The following TAFA1 variants were observed in gnomAD, a reference collection of about 807,000 sequenced individuals.
The protein encoded by TAFA1 is chemokine-like protein TAFA-1.
TAFA1 carries 4 observed loss-of-function variants against 18.5 expected under a neutral mutation model. The observed-to-expected ratio is 0.22, with a 90% CI of 0.11 to 0.49. The LOEUF (loss-of-function observed/expected upper bound fraction) is 0.49. Ranked by LOEUF, TAFA1 falls within the 20% of genes least tolerant of loss-of-function variation. The pLI is 0.98. For synonymous variants in TAFA1, 56 were observed against 55.2 expected (o/e 1.01, Z -0.06); for missense variants, 147 against 169.0 (o/e 0.87, Z 0.72).
intron 3 of TAFA1, among the ~76,000 whole-genome samples, chr3:68,501,634 G>T (rs1017742394): frequency 6.6e-6 from 1 of 152,138 alleles, no homozygotes; most frequent in Non-Finnish European, 1.5e-5. Flanking sequence ...GATGACAGTG[G>T]ACAGGTAAGT....
chr3:68,072,175 A>T (rs1040082205), intron 2 of TAFA1, among the ~76,000 whole-genome samples: 1 of 152,180 alleles, frequency 6.6e-6, no homozygotes, highest in African/African-American at 2.4e-5. Context: ...TAATCCTTGA[A>T]CTGAGGCTTA....
At chr3:68,173,309 T>C (rs2066082296) in intron 2 of TAFA1, among the ~76,000 whole-genome samples, 1 of 147,906 alleles carries the variant, frequency 6.8e-6, no homozygotes. Context: ...AGAGGCCGCT[T>C]AAGAGCCCTA....
intron 3 of TAFA1, among the ~76,000 whole-genome samples, chr3:68,476,684 C>T (rs955520808): frequency 7.9e-5 from 12 of 152,116 alleles, no homozygotes; most frequent in Admixed American, 2.0e-4. Context: ...TAAATTAACC[C>T]TGAGGATTAT....
chr3:68,417,186 T>C (rs2070855389), intron 2 of TAFA1, 94 bp from the exon 3 acceptor site: 2 of 953,462 alleles, frequency 2.1e-6, no homozygotes, highest in East Asian at 2.5e-5. Context: ...ATAATTTCAA[T>C]TACTTTCCTC....
At chr3:68,015,788 T>C (rs965431202) in intron 2 of TAFA1, among the ~76,000 whole-genome samples, 2 of 152,214 alleles carry the variant, frequency 1.3e-5, no homozygotes, top group Admixed American at 6.5e-5. Flanking sequence ...AAATGATTTA[T>C]GATATCATAT....
rs906923939 is a variant in TAFA1, at chr3:68,317,411, G to A, written c.119-99869G>A. ...CTTCCTTCCTAAATCTAAGGCTAAA[G>A]AACCAACTTTCATATAGAACATTGC... On this transcript the variant is annotated intron_variant, in intron 2 of 4. Transcript: ENST00000478136. 1.3e-5 allele frequency among the ~76,000 whole-genome samples: 2 copies of A among 152,260 alleles called. 1 individual carries two copies. The highest frequency in any genetic ancestry group is 1.3e-4 in the Admixed American group (2 of 15,290).
rs574229278 is a variant in TAFA1 at position 68,079,182 on chromosome 3, G to A, written c.118+72438G>A. 9.5e-4 allele frequency among the ~76,000 whole-genome samples: 144 copies of A among 152,112 alleles called. 1 individual carries two copies. Among genetic ancestry groups the A allele is most frequent in the African/African-American group, 2.5e-3 (102 of 41,492 alleles). On this transcript the variant is annotated intron_variant, in intron 2 of 4. Transcript: ENST00000478136. ...ATCCCCTTTATCATTTTTTATTGCC[G>A]TCTATTTGATTCTTCTCTCTTTTTC...
intron 3 of TAFA1, among the ~76,000 whole-genome samples, chr3:68,503,474 A>G (rs1038326721): frequency 6.6e-6 from 1 of 152,168 alleles, no homozygotes; most frequent in Admixed American, 6.5e-5. Context: ...AATGTCCAGA[A>G]TAGGTAAATC....
chr3:68,346,965 G>A (rs1325981861), intron 2 of TAFA1, among the ~76,000 whole-genome samples: 1 of 151,984 alleles, frequency 6.6e-6, no homozygotes, highest in African/African-American at 2.4e-5. Flanking sequence ...ATCTTTCTAT[G>A]AGGGAACTAG....
chr3:68,091,900 T>C (rs527498503), intron 2 of TAFA1, among the ~76,000 whole-genome samples: 1 of 152,282 alleles, frequency 6.6e-6, no homozygotes, highest in East Asian at 1.9e-4. Context: ...CTATAACAGT[T>C]TGAATGACTG....
chr3:68,145,767 T>C (rs950783583), intron 2 of TAFA1: 24 of 579,574 alleles, frequency 4.1e-5, no homozygotes, highest in Non-Finnish European at 1.8e-5. Flanking sequence ...AAAATACATA[T>C]AGAATAAAAA....
chr3:68,132,305 GTCT>G (rs2065550190), intron 2 of TAFA1, among the ~76,000 whole-genome samples: 1 of 152,176 alleles, frequency 6.6e-6, no homozygotes, highest in South Asian at 2.1e-4. Context: ...TTGGTTCCAA[GTCT>G]TTGCTATTGT....
intron 3 of TAFA1, among the ~76,000 whole-genome samples, chr3:68,519,822 A>G (rs936925376): frequency 6.6e-6 from 1 of 152,160 alleles, no homozygotes; most frequent in Non-Finnish European, 1.5e-5. Flanking sequence ...TACCTCCCAA[A>G]CACCCTATCT....
At chr3:68,304,232 G>T (rs779304855) in intron 2 of TAFA1, among the ~76,000 whole-genome samples, 1 of 152,142 alleles carries the variant, frequency 6.6e-6, no homozygotes, top group Non-Finnish European at 1.5e-5. Context: ...TAAAGGAGAA[G>T]GTTGCATACA....
intron 2 of TAFA1, among the ~76,000 whole-genome samples, chr3:68,105,111 A>T (rs541688900): frequency 3.9e-4 from 60 of 152,212 alleles, no homozygotes; most frequent in African/African-American, 1.4e-3. Flanking sequence ...ACCAGATCTC[A>T]TGTGAATCTT....
At chr3:68,530,057 C>T (rs2073168908) in intron 3 of TAFA1, among the ~76,000 whole-genome samples, 5 of 152,188 alleles carry the variant, frequency 3.3e-5, no homozygotes, top group African/African-American at 1.2e-4. Flanking sequence ...TATTGAGAAA[C>T]TCTGATCTAA....
chr3:68,271,829 C>T (rs1002865852), intron 2 of TAFA1, among the ~76,000 whole-genome samples: 9 of 145,084 alleles, frequency 6.2e-5, no homozygotes, highest in Non-Finnish European at 1.4e-4. Flanking sequence ...CTCTCTCTCT[C>T]TCTCTCTCAC....
chr3:68,083,491 A>G (rs1308006302), intron 2 of TAFA1, among the ~76,000 whole-genome samples: 1 of 152,194 alleles, frequency 6.6e-6, no homozygotes, highest in African/African-American at 2.4e-5. Flanking sequence ...CCTTATTCCA[A>G]ACTTGGTTTA....
At chr3:68,057,020 T>C (rs2064545149) in intron 2 of TAFA1, among the ~76,000 whole-genome samples, 1 of 152,094 alleles carries the variant, frequency 6.6e-6, no homozygotes, top group African/African-American at 2.4e-5. Context: ...GGAGTTTTTA[T>C]GGGAAAAGCT....
Sources: gnomAD v4.1 joint callset for allele counts (sites outside exome capture counted in the v4.1 genomes callset) on GRCh38, gnomAD v4.1.1 for gene constraint, MANE v1.5 for transcripts, NCBI Gene and HGNC (gene_info 2026-07-23, HGNC 2026-07-21) for gene names.